SRRM4: variants seen among roughly 807,000 people sequenced by gnomAD.
SRRM4 encodes the protein serine/arginine repetitive matrix 4, also known as serine/arginine repetitive matrix protein 4.
A neutral mutation model predicts 68.9 loss-of-function variants in SRRM4; 33 were observed. That is an observed-to-expected ratio of 0.48 (90% CI 0.36 to 0.64). The LOEUF (loss-of-function observed/expected upper bound fraction) is 0.64, where lower values mean the gene tolerates loss of function less well. SRRM4 is among the 30% of genes least tolerant of loss of function. The pLI, the probability that SRRM4 is intolerant of heterozygous loss-of-function variation, is 0.00. For synonymous variants in SRRM4, 318 were observed against 318.8 expected (o/e 1.00, Z 0.03); for missense variants, 817 against 827.1 (o/e 0.99, Z 0.15).
intron 1 of SRRM4, among the ~76,000 whole-genome samples, chr12:119,014,227 C>G (rs1416810158): frequency 6.6e-6 from 1 of 151,906 alleles, no homozygotes; most frequent in Non-Finnish European, 1.5e-5. Flanking sequence ...TGTAAGAGCT[C>G]TTTGCATATT....
chr12:119,122,352 A>G (rs922282909), intron 6 of SRRM4, among the ~76,000 whole-genome samples: 3 of 149,296 alleles, frequency 2.0e-5, no homozygotes, highest in African/African-American at 7.5e-5. Context: ...AGAGGGAGGG[A>G]CAGAAAGGCA....
rs1954479361 is a variant in SRRM4, at chr12:119,157,128, C to G, written c.*330C>G. ...CTGTGACTCAAAAATTGAGCCCTGGCCAGGAAAATGTGGAGACAGTTCTTC... is the reference window on the plus strand; with the variant it reads ...CTGTGACTCAAAAATTGAGCCCTGGGCAGGAAAATGTGGAGACAGTTCTTC... On this transcript the variant is annotated 3_prime_UTR_variant, in exon 13 of 13. Coordinates refer to ENST00000267260, the MANE Select transcript of SRRM4 (RefSeq NM_194286.4). The surrounding 1 kb of genome is among the most constrained non-coding windows in gnomAD (Gnocchi z 4.1). 1 of 290,014 alleles carries G rather than the reference C, an allele frequency of 3.4e-6. No individual in the cohort carries two copies. Among genetic ancestry groups the G allele is most frequent in the African/African-American group, 2.2e-5 (1 of 45,400 alleles). 18.0% of individuals were successfully genotyped at this position (290,014 alleles called of 1,614,324 possible). A position where few individuals can be genotyped will look rare whatever the true frequency, so the allele number is the denominator to read the frequency against.
At chr12:119,153,425 T>A in intron 10 of SRRM4, 114 bp from the exon 11 acceptor site, 1 of 666,652 alleles carries the variant, frequency 1.5e-6, no homozygotes, top group Non-Finnish European at 2.6e-6. Flanking sequence ...TCTGCCTGGC[T>A]TCCAGAAAGA....
chr12:119,019,244 T>C (rs565378263), intron 1 of SRRM4, among the ~76,000 whole-genome samples: 1 of 152,318 alleles, frequency 6.6e-6, no homozygotes, highest in Admixed American at 6.5e-5. Flanking sequence ...TAATGGAGGC[T>C]TTAAAAAGTT....
At chr12:119,095,342 A>G (rs547539356) in intron 1 of SRRM4, among the ~76,000 whole-genome samples, 30 of 152,322 alleles carry the variant, frequency 2.0e-4, no homozygotes, top group African/African-American at 7.2e-4. Context: ...TGAAACAGGC[A>G]GAGTGTGGGT....
intron 1 of SRRM4, among the ~76,000 whole-genome samples, chr12:119,059,786 A>C (rs1953799368): frequency 6.6e-6 from 1 of 152,206 alleles, no homozygotes; most frequent in Non-Finnish European, 1.5e-5. Context: ...CTTTCTACCA[A>C]GAAATTTTTA....
intron 8 of SRRM4, among the ~76,000 whole-genome samples, chr12:119,142,432 G>C: frequency 6.6e-6 from 1 of 152,128 alleles, no homozygotes; most frequent in African/African-American, 2.4e-5. Flanking sequence ...TCAGAGTGTT[G>C]GGTTGAGAAG....
At chr12:118,987,341 A>T (rs1051134269) in intron 1 of SRRM4, among the ~76,000 whole-genome samples, 1 of 151,628 alleles carries the variant, frequency 6.6e-6, no homozygotes, top group Non-Finnish European at 1.5e-5. Flanking sequence ...GAGAGGGGGG[A>T]TGCTAAAGCC....
chr12:119,099,326 G>T (rs1167198481), intron 1 of SRRM4, among the ~76,000 whole-genome samples: 1 of 152,154 alleles, frequency 6.6e-6, no homozygotes, highest in Non-Finnish European at 1.5e-5. Flanking sequence ...TAGAGAAAGG[G>T]TTCTGCCATA....
chr12:118,983,778 C>T (rs149609876), intron 1 of SRRM4, among the ~76,000 whole-genome samples: 29 of 152,306 alleles, frequency 1.9e-4, no homozygotes, highest in African/African-American at 6.3e-4. Context: ...CTGTTACTGT[C>T]CTGCCCTTTT....
intron 1 of SRRM4, among the ~76,000 whole-genome samples, chr12:119,088,347 A>T (rs566562542): frequency 6.6e-6 from 1 of 152,176 alleles, no homozygotes; most frequent in Non-Finnish European, 1.5e-5. Flanking sequence ...ATTAAAAGTC[A>T]TGCACCCCCC....
intron 1 of SRRM4, among the ~76,000 whole-genome samples, chr12:119,065,032 A>G (rs371632686): frequency 2.4e-4 from 37 of 152,128 alleles, no homozygotes; most frequent in African/African-American, 8.2e-4. Flanking sequence ...TAACCTCTTT[A>G]TATATATTAT....
intron 1 of SRRM4, among the ~76,000 whole-genome samples, chr12:118,997,191 C>T (rs1023285300): frequency 7.2e-5 from 11 of 152,250 alleles, no homozygotes; most frequent in African/African-American, 2.4e-4. Flanking sequence ...AACTGAGTCG[C>T]TAGTAATGAG....
chr12:119,080,500 G>A (rs1263481131), intron 1 of SRRM4, among the ~76,000 whole-genome samples: 1 of 152,112 alleles, frequency 6.6e-6, no homozygotes, highest in Non-Finnish European at 1.5e-5. Context: ...GGTTATGAAA[G>A]AGAAACTCAC....
chr12:118,995,944 T>C (rs1392712452), intron 1 of SRRM4, among the ~76,000 whole-genome samples: 1 of 152,182 alleles, frequency 6.6e-6, no homozygotes, highest in Non-Finnish European at 1.5e-5. Context: ...ATCCATCTAT[T>C]TTCCAGCAGT....
intron 8 of SRRM4, among the ~76,000 whole-genome samples, chr12:119,134,047 C>T (rs562687539): frequency 5.9e-5 from 9 of 152,200 alleles, no homozygotes; most frequent in Admixed American, 2.0e-4. Flanking sequence ...GATAAAATTC[C>T]ATGGCAAGAT....
In SRRM4 at chr12:119,161,136, C is replaced by T. The variant is rs573000922; in HGVS notation, c.*4338C>T. On this transcript the variant is annotated 3_prime_UTR_variant, in exon 13 of 13. Transcript: ENST00000267260. The stretch of plus-strand genomic sequence containing the variant: ...AAGCACATTGTTTTCCTTCTCCAGT[C>T]CAACTTTCATCTTTTCTTCTGCTGT... 3.3e-5 allele frequency: 5 copies of T among 152,340 alleles called. No homozygotes were observed. The highest frequency in any genetic ancestry group is 1.2e-4 in the African/African-American group (5 of 41,572). 9.4% of individuals were successfully genotyped at this position (152,340 alleles called of 1,614,324 possible). A position where few individuals can be genotyped will look rare whatever the true frequency, so the allele number is the denominator to read the frequency against.
At chr12:119,016,688 A>G (rs995086731) in intron 1 of SRRM4, among the ~76,000 whole-genome samples, 4 of 152,048 alleles carry the variant, frequency 2.6e-5, no homozygotes, top group African/African-American at 9.7e-5. Context: ...AGTGCCATTT[A>G]CTTTTTCTTA....
chr12:119,041,126 T>C (rs1049411425), intron 1 of SRRM4, among the ~76,000 whole-genome samples: 1 of 152,148 alleles, frequency 6.6e-6, no homozygotes, highest in Non-Finnish European at 1.5e-5. Context: ...TATTTGATTG[T>C]TAATAATTCT....
Sources: gnomAD v4.1 joint callset for allele counts (sites outside exome capture counted in the v4.1 genomes callset) on GRCh38, gnomAD v4.1.1 for gene constraint, Gnocchi (gnomAD v3.1) non-coding constraint, MANE v1.5 for transcripts, NCBI Gene and HGNC (gene_info 2026-07-23, HGNC 2026-07-21) for gene names.